RDH13: variants seen among roughly 807,000 people sequenced by gnomAD.
RDH13 encodes the protein retinol dehydrogenase 13 (all-trans and 9-cis).
In RDH13, 35 loss-of-function variants were observed where a neutral mutation model predicts 28.3. The observed-to-expected ratio is 1.24, with a 90% CI of 0.95 to 1.64. The LOEUF (loss-of-function observed/expected upper bound fraction) is 1.64. Ranked by LOEUF, RDH13 falls within the 40% of genes most tolerant of loss-of-function variation. The pLI is 0.00. For missense variants in RDH13, 514 were observed against 446.3 expected, an observed-to-expected ratio of 1.15 and a Z score of -1.37; for synonymous variants, 229 against 198.5, an observed-to-expected ratio of 1.15 and a Z score of -1.29.
exon 3 of RDH13, chr19:55,039,268 AC>A (rs1208946489): frequency 6.6e-6 from 1 of 152,276 alleles, no homozygotes; most frequent in African/African-American, 2.4e-5. Context: ...ACAGTGGCTC[AC>A]GCCTGTAATC....
upstream of RDH13, among the ~76,000 whole-genome samples, chr19:55,066,274 G>A (rs113488835): frequency 0.01 from 1,573 of 152,198 alleles, 33 homozygotes; most frequent in African/African-American, 0.037. Flanking sequence ...TCAGCACTGG[G>A]TGCTGTCCCA....
upstream of RDH13, among the ~76,000 whole-genome samples, chr19:55,064,672 G>GA (rs1568744878): frequency 6.6e-6 from 1 of 150,840 alleles, no homozygotes; most frequent in Admixed American, 6.6e-5. Context: ...GGAGAGCAGT[G>GA]GGCGATCTCA....
downstream of RDH13, among the ~76,000 whole-genome samples, chr19:55,043,867 G>T (rs1343603759): frequency 6.6e-6 from 1 of 151,922 alleles, no homozygotes; most frequent in Non-Finnish European, 1.5e-5. Context: ...GGACTTAAAC[G>T]GTTATTTCCT....
At chr19:55,058,915 G>A (rs750796260) in intron 2 of RDH13, among the ~76,000 whole-genome samples, 13 of 152,294 alleles carry the variant, frequency 8.5e-5, no homozygotes, top group Middle Eastern at 3.4e-3. Context: ...TCCTGACCTC[G>A]TGATCCGCCA....
upstream of RDH13, among the ~76,000 whole-genome samples, chr19:55,065,356 G>C (rs1248965339): frequency 6.6e-6 from 1 of 151,512 alleles, no homozygotes; most frequent in East Asian, 2.0e-4. Context: ...TGCACCCCAG[G>C]CTGGGTGACA....
chr19:55,062,193 GA>G (rs958759704), intron 1 of RDH13, among the ~76,000 whole-genome samples: 1 of 148,398 alleles, frequency 6.7e-6, no homozygotes, highest in African/African-American at 2.5e-5. Context: ...CACACCTTCC[GA>G]GGATTAGGAC....
chr19:55,059,124 T>C (rs760138398), intron 2 of RDH13, 33 bp downstream of exon 2: 2 of 1,382,962 alleles, frequency 1.4e-6, no homozygotes, highest in Non-Finnish European at 1.0e-6. Flanking sequence ...TGTACAGATA[T>C]CTCTCTGAGA....
chr19:55,053,171 G>T (rs528478837), intron 3 of RDH13, among the ~76,000 whole-genome samples: 6 of 152,224 alleles, frequency 3.9e-5, no homozygotes, highest in Admixed American at 3.9e-4. Flanking sequence ...GTCTCCCAAA[G>T]TGCCGGGATG....
chr19:55,052,448 G>A (rs1399807576), intron 3 of RDH13, among the ~76,000 whole-genome samples: 1 of 151,508 alleles, frequency 6.6e-6, no homozygotes, highest in South Asian at 2.1e-4. Flanking sequence ...GGAGGCTGAG[G>A]CAGGAGAATC....
At chr19:55,052,909 G>A (rs369638831) in intron 3 of RDH13, among the ~76,000 whole-genome samples, 12 of 151,098 alleles carry the variant, frequency 7.9e-5, no homozygotes, top group Admixed American at 2.6e-4. Flanking sequence ...TGATCCGCCC[G>A]CCTCAGCCTC....
downstream of RDH13, chr19:55,042,726 C>G (rs2075073146): frequency 6.6e-6 from 1 of 152,170 alleles, no homozygotes; most frequent in Non-Finnish European, 1.5e-5. Context: ...TGGGCTGAAC[C>G]TGTAACTTGC....
At chr19:55,049,335 C>A (rs1411204595) in intron 3 of RDH13, among the ~76,000 whole-genome samples, 2 of 152,176 alleles carry the variant, frequency 1.3e-5, no homozygotes, top group Non-Finnish European at 2.9e-5. Flanking sequence ...GTTTCATTCC[C>A]AAACCTGCCA....
At position 55,063,069 on chromosome 19, in the gene RDH13, G is replaced by A. The variant is rs748128893; in HGVS notation, c.-37C>T. 6.0e-6 allele frequency: 8 copies of A among 1,326,758 alleles called. No individual in the cohort carries two copies. In the East Asian group the frequency reaches 1.9e-4, roughly 31 times the overall value. 82.2% of individuals were successfully genotyped at this position (1,326,758 alleles called of 1,614,324 possible). A position where few individuals can be genotyped will look rare whatever the true frequency, so the allele number is the denominator to read the frequency against. On this transcript the variant is annotated 5_prime_UTR_variant, in exon 1 of 7. Transcript: ENST00000415061. The stretch of plus-strand genomic sequence containing the variant: ...GACAGGCGTCAGGCGTCAGGGGTCG[G>A]CGCGGAGCTTGCTGCACACCAGCCG...
At chr19:55,066,499 CT>C (rs1259508378), upstream of RDH13, among the ~76,000 whole-genome samples, 798 of 63,250 alleles carry the variant, frequency 0.013, 12 homozygotes, top group African/African-American at 0.047. Context: ...TTCTCTCTCT[CT>C]CTCCCTCTCT....
At chr19:55,056,605 G>A (rs2075641685) in intron 3 of RDH13, 48 bp downstream of exon 3, 1 of 1,594,320 alleles carries the variant, frequency 6.3e-7, no homozygotes, top group Non-Finnish European at 8.6e-7. Context: ...CCTGGCCCTG[G>A]GAGCCGCCTA....
chr19:55,065,041 G>A (rs1033799269), upstream of RDH13, among the ~76,000 whole-genome samples: 2 of 150,666 alleles, frequency 1.3e-5, no homozygotes, highest in African/African-American at 4.9e-5. Context: ...CACTTAAAAT[G>A]GTTAAGATGG....
intron 3 of RDH13, among the ~76,000 whole-genome samples, chr19:55,051,686 C>T (rs1050858261): frequency 6.6e-6 from 1 of 151,790 alleles, no homozygotes; most frequent in African/African-American, 2.4e-5. Flanking sequence ...CCTCTGCCTC[C>T]CAAAGTGCAG....
chr19:55,046,148 G>GAGACAGGAGAATCACTT (rs1403508280), intron 6 of RDH13, among the ~76,000 whole-genome samples: 28 of 150,768 alleles, frequency 1.9e-4, no homozygotes, highest in Admixed American at 1.7e-3. Context: ...TTGGGAGGCT[G>GAGACAGGAGAATCACTT]AGACAGGAGA....
chr19:55,039,348 A>G (rs1173218047), downstream of RDH13: 4 of 152,370 alleles, frequency 2.6e-5, no homozygotes, highest in East Asian at 7.7e-4. Context: ...CCTGGTTAAC[A>G]TGGTGAAACC....
Sources: gnomAD v4.1 joint callset for allele counts (sites outside exome capture counted in the v4.1 genomes callset) on GRCh38, gnomAD v4.1.1 for gene constraint, MANE v1.5 for transcripts, NCBI Gene and HGNC (gene_info 2026-07-23, HGNC 2026-07-21) for gene names.